ZNF462: variants seen among roughly 807,000 people sequenced by gnomAD.
The protein encoded by ZNF462 is zinc finger PBX1-interacting protein.
A neutral mutation model predicts 201.9 loss-of-function variants in ZNF462; 10 were observed. The ratio of observed to expected loss-of-function variants is 0.05; its 90% CI spans 0.03 to 0.08. The LOEUF (loss-of-function observed/expected upper bound fraction) is 0.08. Ranked by LOEUF, ZNF462 falls within the 10% of genes least tolerant of loss-of-function variation. The pLI, the probability that ZNF462 is intolerant of heterozygous loss-of-function variation, is 1.00. For synonymous variants in ZNF462, 1,227 were observed against 1,193.3 expected, an observed-to-expected ratio of 1.03 and a Z score of -0.58; for missense variants, 2,523 against 3,168.3, an observed-to-expected ratio of 0.80 and a Z score of 4.89.
chr9:106,945,674 C>T (rs1286342493), intron 7 of ZNF462, among the ~76,000 whole-genome samples: 2 of 152,166 alleles, frequency 1.3e-5, no homozygotes, highest in African/African-American at 4.8e-5. Flanking sequence ...CAGATACTAA[C>T]TAACCTTCTC....
rs926077821 is a variant in ZNF462, at chr9:106,923,206, C to T, written c.-30-148C>T. 1 of 622,604 alleles carries T rather than the reference C, an allele frequency of 1.6e-6. No homozygotes were observed. Among genetic ancestry groups the T allele is most frequent in the Non-Finnish European group, 2.8e-6 (1 of 352,130 alleles). 38.6% of individuals were successfully genotyped at this position (622,604 alleles called of 1,614,324 possible). On this transcript the variant is annotated intron_variant, in intron 1 of 12. Coordinates refer to ENST00000277225, the MANE Select transcript of ZNF462 (RefSeq NM_021224.6). The surrounding 1 kb of genome is among the most constrained non-coding windows in gnomAD (Gnocchi z 5.6). Reference sequence around the variant, plus strand: ...ATCTCCATTATGTCTGATTGCCTCTCTTTAGCCAATGTTCCAACTGGCAAA... The same window carrying T: ...ATCTCCATTATGTCTGATTGCCTCTTTTTAGCCAATGTTCCAACTGGCAAA...
Position 106,950,798 on chromosome 9 carries a change from A to G in ZNF462, c.6427+11691A>G, listed in dbSNP as rs1336014944. On this transcript the variant is annotated intron_variant, in intron 7 of 12. Transcript: ENST00000277225. The surrounding 1 kb of genome is among the most constrained non-coding windows in gnomAD (Gnocchi z 4.1). ...CTGGAAAACAATAACTCTTTAAAAA[A>G]TTAAGTTCAGGCCAGGCGTGGTGGC... is the stretch of plus-strand genomic sequence containing the variant. Among the ~76,000 whole-genome samples the G allele has an allele frequency of 2.6e-5, 4 of 152,206 alleles. No homozygotes were observed. Among genetic ancestry groups the G allele is most frequent in the Non-Finnish European group, 5.9e-5 (4 of 68,024 alleles).
chr9:106,868,124 A>T (rs1827427237), intron 1 of ZNF462, among the ~76,000 whole-genome samples: 1 of 151,908 alleles, frequency 6.6e-6, no homozygotes, highest in Admixed American at 6.6e-5. Flanking sequence ...TGTGAGTTTC[A>T]CATACTTATG....
intron 1 of ZNF462, among the ~76,000 whole-genome samples, chr9:106,878,421 A>G (rs538031609): frequency 1.6e-4 from 25 of 152,308 alleles, no homozygotes; most frequent in African/African-American, 6.0e-4. Context: ...GTGGGATGAT[A>G]GAGTTGGAAA....
intron 10 of ZNF462, among the ~76,000 whole-genome samples, chr9:107,001,440 ACCT>A (rs1229223299): frequency 5.9e-5 from 9 of 152,122 alleles, no homozygotes. Context: ...CACTATGCTG[ACCT>A]CCTTTTACAA....
At position 107,010,779 on chromosome 9, in the gene ZNF462, A is replaced by G. The variant is rs1036240679; in HGVS notation, c.7314-44A>G. 1.1e-5 allele frequency: 16 copies of G among 1,509,456 alleles called. No individual in the cohort carries two copies. The highest frequency in any genetic ancestry group is 1.4e-5 in the African/African-American group (1 of 70,308). The allele number at this position is 1,509,456 out of a possible 1,614,324, so 93.5% of individuals were successfully genotyped here. A position where few individuals can be genotyped will look rare whatever the true frequency, so the allele number is the denominator to read the frequency against. Reference sequence around the variant, plus strand: ...TATTTTTTTGTTTAAAAAGAGAAATATATATACTATACTCATCTGTCTCTT... The same window carrying G: ...TATTTTTTTGTTTAAAAAGAGAAATGTATATACTATACTCATCTGTCTCTT... On this transcript the variant is annotated intron_variant, in intron 12 of 12. Transcript: ENST00000277225. The surrounding 1 kb of genome is among the most constrained non-coding windows in gnomAD (Gnocchi z 4.6).
chr9:106,974,435 G>A lies in ZNF462; in HGVS notation c.6832+162G>A. 1 of 1,051,696 alleles carries A rather than the reference G, an allele frequency of 9.5e-7. No homozygotes were observed. The highest frequency in any genetic ancestry group is 1.3e-5 in the South Asian group (1 of 74,214). The allele number at this position is 1,051,696 out of a possible 1,614,324, so 65.1% of individuals were successfully genotyped here. On this transcript the variant is annotated intron_variant, in intron 9 of 12. Transcript: ENST00000277225. The surrounding 1 kb of genome is among the most constrained non-coding windows in gnomAD (Gnocchi z 4.0). The stretch of plus-strand genomic sequence containing the variant: ...GATAACCACAGTGACAGCCAAAAGG[G>A]CAAAAACACCTTCCTGCTGGGAGTA...
intron 1 of ZNF462, among the ~76,000 whole-genome samples, chr9:106,904,584 A>G (rs532683002): frequency 6.6e-6 from 1 of 152,248 alleles, no homozygotes; most frequent in East Asian, 1.9e-4. Flanking sequence ...AGGTTTGGTC[A>G]TTTAGCATAA....
rs190074545 is a variant in ZNF462, at chr9:106,923,918, C to T, written c.221-215C>T. 3.3e-5 allele frequency among the ~76,000 whole-genome samples: 5 copies of T among 152,258 alleles called. No homozygotes were observed. Among genetic ancestry groups the T allele is most frequent in the African/African-American group, 1.2e-4 (5 of 41,540 alleles). On this transcript the variant is annotated intron_variant, in intron 2 of 12. Transcript: ENST00000277225. This position sits in a 1 kb window ranked among gnomAD's most constrained non-coding sequence, Gnocchi z 5.6. ...CTCATTTATGGAGATGAGGAGAATA[C>T]CTAAAGCTATACACTGCATCTTTAT...
chr9:106,899,239 TGG>T (rs71384992), intron 1 of ZNF462, among the ~76,000 whole-genome samples: 164 of 57,526 alleles, frequency 2.9e-3, no homozygotes, highest in East Asian at 6.1e-3. Flanking sequence ...TGTGTGTGTG[TGG>T]GGGGGGGGGG....
chr9:106,896,161 C>A (rs141243019), intron 1 of ZNF462, among the ~76,000 whole-genome samples: 1 of 152,038 alleles, frequency 6.6e-6, no homozygotes, highest in Non-Finnish European at 1.5e-5. Context: ...TTTTTAACTT[C>A]CATGAGAAAG....
chr9:106,951,612 C>A (rs1831351641), intron 7 of ZNF462, among the ~76,000 whole-genome samples: 1 of 152,150 alleles, frequency 6.6e-6, no homozygotes, highest in Non-Finnish European at 1.5e-5. Context: ...GAGAGCAGCC[C>A]AGCCGCACAG....
Position 106,925,207 on chromosome 9 carries a change from T to G in ZNF462, c.1295T>G (p.Phe432Cys), listed in dbSNP as rs1830141404. 1 of 1,614,054 alleles carries G rather than the reference T, an allele frequency of 6.2e-7. No individual in the cohort carries two copies. Among genetic ancestry groups the G allele is most frequent in the Admixed American group, 1.7e-5 (1 of 59,994 alleles). The change falls in exon 3 of 13, where the codon TTT (phenylalanine) becomes TGT (cysteine). Residue 432 changes from phenylalanine to cysteine, a missense_variant. This residue lies in a region of ZNF462 where 480 missense variants were observed against 544.4 expected (regional missense o/e 0.88). Coordinates refer to ENST00000277225, the MANE Select transcript of ZNF462 (RefSeq NM_021224.6). The surrounding 1 kb of genome is among the most constrained non-coding windows in gnomAD (Gnocchi z 7.9). ...NKLLETKGIP[F>C]RRFMNRFQCP... ...TTATTGGAGACCAAGGGGATTCCAT[T>G]TAGAAGATTCATGAATAGGTTCCAG...
chr9:106,914,446 T>C (rs13296928), intron 1 of ZNF462, among the ~76,000 whole-genome samples: 10 of 152,102 alleles, frequency 6.6e-5, no homozygotes, highest in Non-Finnish European at 1.3e-4. Context: ...CAGCCCCAAG[T>C]TGGGGCAAGC....
Position 106,984,633 on chromosome 9 carries a change from A to T in ZNF462, c.7056+224A>T, listed in dbSNP as rs1367908044. On this transcript the variant is annotated intron_variant, in intron 10 of 12. Transcript: ENST00000277225. This position sits in a 1 kb window ranked among gnomAD's most constrained non-coding sequence, Gnocchi z 6.4. ...GGGAAATCACCCATAATTCTACCAC[A>T]CTAGTCCAAATGCTGAACATTTCTG... Among the ~76,000 whole-genome samples, 1 of 152,190 alleles carries T rather than the reference A, an allele frequency of 6.6e-6. No individual in the cohort carries two copies. Among genetic ancestry groups the T allele is most frequent in the African/African-American group, 2.4e-5 (1 of 41,450 alleles).
rs751352298 is a variant in ZNF462, at chr9:107,010,889, T to C, written c.7380T>C (p.Ser2460=). 12 of 1,613,270 alleles carry C rather than the reference T, an allele frequency of 7.4e-6. No individual in the cohort carries two copies. In the South Asian group the frequency reaches 1.1e-4, roughly 15 times the overall value. ...ACCCAAAAGAGATCATGGAGAACAG[T>C]GTTAAAATGCCCTCCATAGAGGAAA... ...EIHPKEIMEN[S]VKMPSIEEKE... Residue 2460 remains serine (S), a synonymous_variant, in exon 13 of 13, where the codon AGT becomes AGC. Transcript: ENST00000277225. The surrounding 1 kb of genome is among the most constrained non-coding windows in gnomAD (Gnocchi z 4.6).
Position 106,926,345 on chromosome 9 carries a change from A to G in ZNF462, c.2433A>G (p.Gln811=). ...YGSSTNLKDH[Q]VSNTALLNTQ... is the part of the protein sequence containing the mutation. Reference sequence around the variant, plus strand: ...CCTCAACAAACTTGAAAGATCACCAAGTTTCCAATACTGCTCTGCTGAATA... The same window carrying G: ...CCTCAACAAACTTGAAAGATCACCAGGTTTCCAATACTGCTCTGCTGAATA... The change falls in exon 3 of 13, where the codon CAA becomes CAG. Residue 811 remains glutamine, a synonymous_variant. Coordinates refer to ENST00000277225, the MANE Select transcript of ZNF462 (RefSeq NM_021224.6). This position sits in a 1 kb window ranked among gnomAD's most constrained non-coding sequence, Gnocchi z 7.9. The G allele has an allele frequency of 1.9e-6, 3 of 1,614,178 alleles. No homozygotes were observed. The highest frequency in any genetic ancestry group is 2.2e-5 in the East Asian group (1 of 44,880).
chr9:106,867,904 A>C (rs1430642390), intron 1 of ZNF462, among the ~76,000 whole-genome samples: 1 of 152,216 alleles, frequency 6.6e-6, no homozygotes, highest in African/African-American at 2.4e-5. Flanking sequence ...CTAAATTGAT[A>C]ATTGGAGAAC....
rs1347126390 is a variant in ZNF462, at chr9:107,009,803, A to T, written c.7313+135A>T. 23 of 1,290,680 alleles carry T rather than the reference A, an allele frequency of 1.8e-5. No individual in the cohort carries two copies. The highest frequency in any genetic ancestry group is 2.3e-5 in the Non-Finnish European group (22 of 954,918). The allele number at this position is 1,290,680 out of a possible 1,614,324, so 80.0% of individuals were successfully genotyped here. A position where few individuals can be genotyped will look rare whatever the true frequency, so the allele number is the denominator to read the frequency against. On this transcript the variant is annotated intron_variant, in intron 12 of 12. Transcript: ENST00000277225. This position sits in a 1 kb window ranked among gnomAD's most constrained non-coding sequence, Gnocchi z 6.1. Reference sequence around the variant, plus strand: ...TTTCTGGGCCGTGGGAGGAGAGGCAATGGTGAGGAACCAAGTTTCTCCTTT... The same window carrying T: ...TTTCTGGGCCGTGGGAGGAGAGGCATTGGTGAGGAACCAAGTTTCTCCTTT...
Sources: gnomAD v4.1 joint callset for allele counts (sites outside exome capture counted in the v4.1 genomes callset) on GRCh38, gnomAD v4.1.1 for gene constraint, gnomAD v4.1.1 regional missense constraint, Gnocchi (gnomAD v3.1) non-coding constraint, MANE v1.5 for transcripts, NCBI Gene and HGNC (gene_info 2026-07-23, HGNC 2026-07-21) for gene names.